Variants in LINGO2 observed in about 807,000 individuals in gnomAD.
LINGO2 encodes the protein leucine-rich repeat and immunoglobulin-like domain-containing nogo receptor-interacting protein 2.
Under a neutral mutation model 30.6 loss-of-function variants are expected in LINGO2, and 14 were observed. That is an observed-to-expected ratio of 0.46 (90% CI 0.30 to 0.72). The LOEUF (loss-of-function observed/expected upper bound fraction) is 0.72. Ranked by LOEUF, LINGO2 falls within the 30% of genes least tolerant of loss-of-function variation. The probability of loss-of-function intolerance (pLI) is 0.07; values close to 1 mark genes in which losing one functional copy is unlikely to be tolerated. For missense variants in LINGO2, 729 were observed against 751.7 expected (o/e 0.97, Z 0.35); for synonymous variants, 317 against 288.5 (o/e 1.10, Z -1.00).
At chr9:29,059,760 T>C in the LINGO2 span, among the ~76,000 whole-genome samples, 3 of 152,066 alleles carry the variant, frequency 2.0e-5, no homozygotes, top group Non-Finnish European at 2.9e-5. Flanking sequence ...CATTATAATA[T>C]CTAGAAGAAC....
chr9:28,933,587 T>C, the LINGO2 span, among the ~76,000 whole-genome samples: 4 of 152,084 alleles, frequency 2.6e-5, no homozygotes, highest in African/African-American at 9.7e-5. Context: ...AAAGATTTTA[T>C]AAGTGTGAAA....
chr9:28,832,103 A>G, the LINGO2 span, among the ~76,000 whole-genome samples: 2 of 152,144 alleles, frequency 1.3e-5, no homozygotes, highest in African/African-American at 2.4e-5. Context: ...GCTCACCTTA[A>G]CAGAAAACCT....
At chr9:29,052,629 C>T in the LINGO2 span, among the ~76,000 whole-genome samples, 1 of 152,252 alleles carries the variant, frequency 6.6e-6, no homozygotes, top group East Asian at 1.9e-4. Context: ...TTACATTTAT[C>T]TTTTGGCAGT....
At chr9:28,895,372 A>G in the LINGO2 span, among the ~76,000 whole-genome samples, 1 of 152,152 alleles carries the variant, frequency 6.6e-6, no homozygotes, top group Non-Finnish European at 1.5e-5. Context: ...AAATGATCAC[A>G]AAAGATTGCA....
At chr9:28,528,159 C>T (rs1184674742) in intron 1 of LINGO2, among the ~76,000 whole-genome samples, 1 of 152,238 alleles carries the variant, frequency 6.6e-6, no homozygotes, top group African/African-American at 2.4e-5. Flanking sequence ...GGATAAGATG[C>T]TGATGCTAGA....
At chr9:28,016,313 A>G (rs1822834518) in intron 4 of LINGO2, among the ~76,000 whole-genome samples, 1 of 152,146 alleles carries the variant, frequency 6.6e-6, no homozygotes, top group Non-Finnish European at 1.5e-5. Context: ...AGATCCCACC[A>G]CTTCCAAATA....
At chr9:29,038,673 G>A in the LINGO2 span, among the ~76,000 whole-genome samples, 405 of 125,878 alleles carry the variant, frequency 3.2e-3, no homozygotes, top group Middle Eastern at 4.5e-3. Flanking sequence ...TCACTACTCA[G>A]AAAAAAAAAA....
chr9:27,998,795 A>G (rs185141564), intron 5 of LINGO2, among the ~76,000 whole-genome samples: 2 of 152,282 alleles, frequency 1.3e-5, no homozygotes, highest in East Asian at 3.9e-4. Context: ...TCTCAAAAAA[A>G]CAGAACAAAA....
At chr9:28,642,664 T>G (rs1294906509) in intron 1 of LINGO2, among the ~76,000 whole-genome samples, 1 of 152,150 alleles carries the variant, frequency 6.6e-6, no homozygotes, top group South Asian at 2.1e-4. Flanking sequence ...AATGGGAAAC[T>G]TAGACATGAT....
At chr9:28,573,709 T>A (rs761184478) in intron 1 of LINGO2, among the ~76,000 whole-genome samples, 2 of 152,184 alleles carry the variant, frequency 1.3e-5, no homozygotes, top group Non-Finnish European at 2.9e-5. Context: ...TATTTTTTGA[T>A]ATTTTATTAT....
At chr9:28,179,110 G>T (rs1828828076) in intron 4 of LINGO2, among the ~76,000 whole-genome samples, 1 of 151,622 alleles carries the variant, frequency 6.6e-6, no homozygotes, top group Non-Finnish European at 1.5e-5. Context: ...ATTGGCATCT[G>T]CTAGTTCCAC....
intron 1 of LINGO2, among the ~76,000 whole-genome samples, chr9:28,552,450 G>C (rs1018184712): frequency 1.3e-5 from 2 of 151,934 alleles, no homozygotes; most frequent in Non-Finnish European, 2.9e-5. Flanking sequence ...TGGTCTTATT[G>C]TTTACTAGCT....
At chr9:29,209,635 T>G in the LINGO2 span, among the ~76,000 whole-genome samples, 1 of 152,152 alleles carries the variant, frequency 6.6e-6, no homozygotes, top group Non-Finnish European at 1.5e-5. Flanking sequence ...TCCCTTAATT[T>G]CCTTACCCCA....
downstream of LINGO2, chr9:27,943,812 T>G (rs778473134): frequency 1.3e-5 from 2 of 152,182 alleles, no homozygotes; most frequent in Non-Finnish European, 2.9e-5. Context: ...TGTGGGGGAA[T>G]ACCAAAGCTT....
intron 2 of LINGO2, among the ~76,000 whole-genome samples, chr9:28,444,890 C>G (rs544977267): frequency 1.2e-4 from 19 of 152,320 alleles, no homozygotes; most frequent in Admixed American, 1.2e-3. Flanking sequence ...GTAGTGCAAG[C>G]CAAGTGCAGT....
At chr9:28,503,387 G>A (rs1164124446) in intron 1 of LINGO2, among the ~76,000 whole-genome samples, 1 of 151,980 alleles carries the variant, frequency 6.6e-6, no homozygotes, top group Non-Finnish European at 1.5e-5. Context: ...TTCTTAAAAA[G>A]TCTATTGATT....
chr9:28,243,478 G>A (rs949050829), intron 4 of LINGO2, among the ~76,000 whole-genome samples: 1 of 149,858 alleles, frequency 6.7e-6, no homozygotes, highest in African/African-American at 2.5e-5. Flanking sequence ...AAAAGAAGAA[G>A]AAGAAGACAC....
chr9:28,048,884 T>C (rs1016863193), intron 4 of LINGO2, among the ~76,000 whole-genome samples: 5 of 150,836 alleles, frequency 3.3e-5, no homozygotes, highest in African/African-American at 1.2e-4. Flanking sequence ...TATGCCAACA[T>C]ATATAGTTAT....
rs1474990856 is a variant in LINGO2 at position 27,954,382 on chromosome 9, A to G, written c.-35-3676T>C. 2.0e-5 allele frequency among the ~76,000 whole-genome samples: 3 copies of G among 152,216 alleles called. No individual in the cohort carries two copies. In the East Asian group the frequency reaches 5.8e-4, roughly 29 times the overall value. On this transcript the variant is annotated intron_variant, in intron 5 of 5. Coordinates refer to ENST00000379992, the Ensembl canonical transcript of LINGO2. The stretch of plus-strand genomic sequence containing the variant: ...CAGTTCCCAGTGTCTGGTATCTATC[A>G]TTCTACTTTCAACCTCCATGCTCTC...
Sources: gnomAD v4.1 joint callset for allele counts (sites outside exome capture counted in the v4.1 genomes callset) on GRCh38, gnomAD v4.1.1 for gene constraint, MANE v1.5 for transcripts, NCBI Gene and HGNC (gene_info 2026-07-23, HGNC 2026-07-21) for gene names.